The following BDKRB2 variants were observed in gnomAD, a reference collection of about 807,000 sequenced individuals.
The protein encoded by BDKRB2 is bradykinin receptor B2.
BDKRB2 carries 6 observed loss-of-function variants against 4.0 expected under a neutral mutation model. That is an observed-to-expected ratio of 1.49 (90% CI 0.81 to 2.93). BDKRB2 has a LOEUF of 2.93. Among genes scored for constraint, BDKRB2 ranks in the 30% most tolerant of loss-of-function variants. The probability of loss-of-function intolerance (pLI) is 0.00; values close to 1 mark genes in which losing one functional copy is unlikely to be tolerated. For missense variants in BDKRB2, 478 were observed against 520.1 expected (o/e 0.92, Z 0.79); for synonymous variants, 225 against 215.3 (o/e 1.05, Z -0.40).
intron 1 of BDKRB2, chr14:96,233,913 T>A (rs928458575): frequency 1.3e-5 from 2 of 152,162 alleles, no homozygotes; most frequent in East Asian, 3.9e-4. Flanking sequence ...CTCTAAGGCA[T>A]CTGTTTAAAA....
At chr14:96,206,194 C>A (rs1437142107) in intron 1 of BDKRB2, among the ~76,000 whole-genome samples, 1 of 152,322 alleles carries the variant, frequency 6.6e-6, no homozygotes, top group East Asian at 1.9e-4. Flanking sequence ...TTGGAGGAAG[C>A]ATTTGCTGTT....
chr14:96,227,595 A>C (rs1299200548), intron 1 of BDKRB2, among the ~76,000 whole-genome samples: 1 of 152,110 alleles, frequency 6.6e-6, no homozygotes, highest in Non-Finnish European at 1.5e-5. Flanking sequence ...GCATGCACAC[A>C]CAAACACATG....
intron 1 of BDKRB2, among the ~76,000 whole-genome samples, chr14:96,213,072 C>T (rs1248440072): frequency 6.6e-6 from 1 of 152,136 alleles, no homozygotes; most frequent in East Asian, 1.9e-4. Context: ...GGTTACTAGG[C>T]CAATTACTTG....
At chr14:96,238,863 C>A (rs1363566572) in intron 2 of BDKRB2, 20 of 986,710 alleles carry the variant, frequency 2.0e-5, no homozygotes, top group Non-Finnish European at 2.4e-5. Context: ...CCACAGTTGT[C>A]AGGAGTCAGG....
chr14:96,204,885 G>T lies in BDKRB2; in HGVS notation c.-114G>T, dbSNP rs5223. ...CTCCGAGGAGGGGTGGGGACGGTGG[G>T]GACGGTGGGGACATCAGGCTGCCCC... On this transcript the variant is annotated 5_prime_UTR_variant, in exon 1 of 3. Coordinates refer to ENST00000554311, the MANE Select transcript of BDKRB2 (RefSeq NM_001379692.1). 70,072 of 347,906 alleles carry T rather than the reference G, an allele frequency of 0.2. 8,493 individuals are homozygous for T. Among genetic ancestry groups the T allele is most frequent in the Non-Finnish European group, 0.27 (46,735 of 174,598 alleles). The allele number at this position is 347,906 out of a possible 1,614,324, so 21.6% of individuals were successfully genotyped here. A position where few individuals can be genotyped will look rare whatever the true frequency, so the allele number is the denominator to read the frequency against.
At chr14:96,210,364 CAT>C (rs1890277146) in intron 1 of BDKRB2, among the ~76,000 whole-genome samples, 1 of 152,138 alleles carries the variant, frequency 6.6e-6, no homozygotes, top group Admixed American at 6.5e-5. Flanking sequence ...AGTATTTACA[CAT>C]GTCCTTGAAG....
At chr14:96,233,898 G>A (rs971858504) in intron 1 of BDKRB2, 1 of 152,182 alleles carries the variant, frequency 6.6e-6, no homozygotes, top group Non-Finnish European at 1.5e-5. Flanking sequence ...AATGTTGGAT[G>A]TTCCCTCTAA....
chr14:96,220,592 C>T (rs1053160127), intron 1 of BDKRB2, among the ~76,000 whole-genome samples: 3 of 151,884 alleles, frequency 2.0e-5, no homozygotes, highest in Admixed American at 6.6e-5. Context: ...CATGAGACTC[C>T]GAGGGCCACC....
chr14:96,231,053 A>T (rs1188418429), intron 1 of BDKRB2, among the ~76,000 whole-genome samples: 2 of 152,248 alleles, frequency 1.3e-5, no homozygotes, highest in Admixed American at 6.5e-5. Flanking sequence ...GAAACAAAAC[A>T]CACTGAGCAG....
chr14:96,227,580 CACAT>C (rs1358956973), intron 1 of BDKRB2, among the ~76,000 whole-genome samples: 9 of 152,046 alleles, frequency 5.9e-5, no homozygotes, highest in African/African-American at 2.2e-4. Context: ...TGTGCACAAA[CACAT>C]GCATGCACAC....
chr14:96,231,819 T>C (rs1482921926), intron 1 of BDKRB2, among the ~76,000 whole-genome samples: 2 of 152,196 alleles, frequency 1.3e-5, no homozygotes, highest in African/African-American at 4.8e-5. Context: ...GCGAATATGG[T>C]GGGACAGATG....
At chr14:96,225,020 G>A (rs1168368831) in intron 1 of BDKRB2, among the ~76,000 whole-genome samples, 1 of 150,928 alleles carries the variant, frequency 6.6e-6, no homozygotes. Context: ...CACACCCAGT[G>A]AAGGGGAACT....
At position 96,241,013 on chromosome 14, in the gene BDKRB2, A is replaced by G; in HGVS notation, c.685A>G (p.Asn229Asp). The G allele has an allele frequency of 6.2e-7, 1 of 1,605,778 alleles. No individual in the cohort carries two copies. Among genetic ancestry groups the G allele is most frequent in the South Asian group, 1.1e-5 (1 of 90,436 alleles). The change falls in exon 3 of 3, where the codon AAT becomes GAT. Residue 229 changes from asparagine to aspartate, a missense_variant. Coordinates refer to ENST00000554311, the MANE Select transcript of BDKRB2 (RefSeq NM_001379692.1). The stretch of plus-strand genomic sequence containing the variant: ...GGAAGTGTTCACCAACATGCTCCTG[A>G]ATGTCGTGGGCTTCCTGCTGCCCCT... ...IWEVFTNMLL[N>D]VVGFLLPLSV...
At chr14:96,208,256 G>T (rs993919015) in intron 1 of BDKRB2, among the ~76,000 whole-genome samples, 1 of 152,196 alleles carries the variant, frequency 6.6e-6, no homozygotes, top group Non-Finnish European at 1.5e-5. Flanking sequence ...CCACTCCAGG[G>T]TTGTTTTCTA....
rs199847805 is a variant in BDKRB2, at chr14:96,241,366, G to T, written c.1038G>T (p.Val346=). The change falls in exon 3 of 3, where the codon GTG becomes GTT. Residue 346 remains valine, a synonymous_variant. Coordinates refer to ENST00000554311, the MANE Select transcript of BDKRB2 (RefSeq NM_001379692.1). ...GKRFRKKSWE[V]YQGVCQKGGC... is the part of the protein sequence containing the mutation. ...GCTTCCGAAAGAAGTCTTGGGAGGTGTACCAGGGAGTGTGCCAGAAAGGGG... is the reference window on the plus strand; with the variant it reads ...GCTTCCGAAAGAAGTCTTGGGAGGTTTACCAGGGAGTGTGCCAGAAAGGGG... The T allele has an allele frequency of 1.9e-6, 3 of 1,613,870 alleles. No homozygotes were observed. Among genetic ancestry groups the T allele is most frequent in the Non-Finnish European group, 2.5e-6 (3 of 1,179,998 alleles).
Position 96,241,319 on chromosome 14 carries a change from G to A in BDKRB2, c.991G>A (p.Val331Met). The A allele has an allele frequency of 6.2e-7, 1 of 1,614,074 alleles. No homozygotes were observed. The highest frequency in any genetic ancestry group is 8.5e-7 in the Non-Finnish European group (1 of 1,179,960). Residue 331 changes from valine to methionine, a missense_variant, in exon 3 of 3, where the codon GTG becomes ATG. Coordinates refer to ENST00000554311, the MANE Select transcript of BDKRB2 (RefSeq NM_001379692.1). The part of the protein sequence containing the change: ...AYSNSCLNPL[V>M]YVIVGKRFRK... Reference sequence around the variant, plus strand: ...CAGCAACAGCTGCCTCAACCCACTGGTGTACGTGATCGTGGGCAAGCGCTT... The same window carrying A: ...CAGCAACAGCTGCCTCAACCCACTGATGTACGTGATCGTGGGCAAGCGCTT...
intron 1 of BDKRB2, among the ~76,000 whole-genome samples, chr14:96,236,718 C>T (rs1489436380): frequency 6.6e-6 from 1 of 152,192 alleles, no homozygotes; most frequent in Non-Finnish European, 1.5e-5. Context: ...CACCATCATC[C>T]CTCCACCCTG....
chr14:96,213,533 C>CTGT (rs55770571), intron 1 of BDKRB2, among the ~76,000 whole-genome samples: 1 of 150,822 alleles, frequency 6.6e-6, no homozygotes, highest in South Asian at 2.1e-4. Context: ...CACACACACA[C>CTGT]GTGTACACAC....
At chr14:96,222,081 C>T (rs529384794) in intron 1 of BDKRB2, among the ~76,000 whole-genome samples, 3 of 152,230 alleles carry the variant, frequency 2.0e-5, no homozygotes, top group African/African-American at 4.8e-5. Flanking sequence ...AGGGTTCCCA[C>T]AACCCCCTCC....
Sources: gnomAD v4.1 joint callset for allele counts (sites outside exome capture counted in the v4.1 genomes callset) on GRCh38, gnomAD v4.1.1 for gene constraint, MANE v1.5 for transcripts, NCBI Gene and HGNC (gene_info 2026-07-23, HGNC 2026-07-21) for gene names.